ENTREP2: variants seen among roughly 807,000 people sequenced by gnomAD.
ENTREP2 encodes the protein protein ENTREP2.
chr15:29,405,384 G>A, the ENTREP2 span, among the ~76,000 whole-genome samples: 4 of 147,678 alleles, frequency 2.7e-5, no homozygotes, highest in Admixed American at 2.0e-4. Context: ...GCAAGACTCC[G>A]TCTCCAGAAA....
At chr15:29,535,831 C>T in the ENTREP2 span, among the ~76,000 whole-genome samples, 13 of 151,902 alleles carry the variant, frequency 8.6e-5, no homozygotes, top group African/African-American at 3.1e-4. Flanking sequence ...CAAATATTCT[C>T]GAACTTTCAT....
chr15:29,630,966 G>A, the ENTREP2 span, among the ~76,000 whole-genome samples: 2 of 152,180 alleles, frequency 1.3e-5, no homozygotes, highest in African/African-American at 2.4e-5. Flanking sequence ...ACAGGCATAA[G>A]CCTGTATTAT....
chr15:29,515,520 C>A, the ENTREP2 span, among the ~76,000 whole-genome samples: 7 of 152,274 alleles, frequency 4.6e-5, no homozygotes, highest in South Asian at 6.2e-4. Flanking sequence ...CATCTGTTAG[C>A]CCAGTCACAT....
chr15:29,587,073 T>C, the ENTREP2 span, among the ~76,000 whole-genome samples: 2 of 152,032 alleles, frequency 1.3e-5, no homozygotes, highest in Admixed American at 6.6e-5. Context: ...CAGAACTCTG[T>C]AGTCCTGAAT....
the ENTREP2 span, among the ~76,000 whole-genome samples, chr15:29,664,682 T>C: frequency 1.3e-5 from 2 of 152,148 alleles, no homozygotes; most frequent in African/African-American, 2.4e-5. Flanking sequence ...GGTTTTGTGA[T>C]AGTTATAACA....
At chr15:29,554,128 C>T in the ENTREP2 span, among the ~76,000 whole-genome samples, 18 of 152,114 alleles carry the variant, frequency 1.2e-4, no homozygotes, top group African/African-American at 4.3e-4. Flanking sequence ...GCCTGATCAA[C>T]ATGTTGAAAC....
At chr15:29,369,631 G>A in the ENTREP2 span, among the ~76,000 whole-genome samples, 979 of 152,110 alleles carry the variant, frequency 6.4e-3, 3 homozygotes, top group Middle Eastern at 0.01. Context: ...GTGCACGAGC[G>A]TGTGCAAAAC....
the ENTREP2 span, among the ~76,000 whole-genome samples, chr15:29,157,266 G>A: frequency 6.6e-6 from 1 of 152,166 alleles, no homozygotes; most frequent in Non-Finnish European, 1.5e-5. Context: ...TCCCTACAGA[G>A]TTCAAATGTG....
the ENTREP2 span, among the ~76,000 whole-genome samples, chr15:29,518,797 C>T: frequency 6.6e-6 from 1 of 152,156 alleles, no homozygotes; most frequent in Admixed American, 6.5e-5. Context: ...AGAAATTCTC[C>T]CAGAATGTCA....
chr15:29,148,357 A>G, the ENTREP2 span, among the ~76,000 whole-genome samples: 1 of 152,298 alleles, frequency 6.6e-6, no homozygotes, highest in African/African-American at 2.4e-5. Context: ...GAAAAAAACC[A>G]TTTATAAAGT....
the ENTREP2 span, among the ~76,000 whole-genome samples, chr15:29,207,808 A>G: frequency 6.6e-6 from 1 of 152,096 alleles, no homozygotes; most frequent in Non-Finnish European, 1.5e-5. Flanking sequence ...TGCTAAATCC[A>G]GTCCCTGCCA....
the ENTREP2 span, among the ~76,000 whole-genome samples, chr15:29,601,132 C>T: frequency 4.0e-5 from 6 of 148,792 alleles, no homozygotes; most frequent in African/African-American, 1.3e-4. Context: ...CTCCTGACCT[C>T]GTGATCCGCC....
chr15:29,348,093 C>T, the ENTREP2 span, among the ~76,000 whole-genome samples: 1 of 152,154 alleles, frequency 6.6e-6, no homozygotes, highest in Non-Finnish European at 1.5e-5. Flanking sequence ...GAATACATGT[C>T]CAACCTTGCA....
At chr15:29,238,831 C>T in the ENTREP2 span, among the ~76,000 whole-genome samples, 2 of 152,012 alleles carry the variant, frequency 1.3e-5, no homozygotes, top group African/African-American at 2.4e-5. Context: ...ACAACTAGAT[C>T]TCATGAGAAT....
the ENTREP2 span, among the ~76,000 whole-genome samples, chr15:29,354,033 A>G: frequency 1.3e-5 from 2 of 152,172 alleles, no homozygotes; most frequent in Non-Finnish European, 2.9e-5. Flanking sequence ...GTGTCTCCAG[A>G]AGAGGCTAGG....
the ENTREP2 span, among the ~76,000 whole-genome samples, chr15:29,503,381 A>G: frequency 6.6e-6 from 1 of 152,224 alleles, no homozygotes; most frequent in Non-Finnish European, 1.5e-5. Context: ...AAATGTCCAG[A>G]AGAGGCAAAA....
At chr15:29,672,234 C>T in the ENTREP2 span, among the ~76,000 whole-genome samples, 1 of 152,118 alleles carries the variant, frequency 6.6e-6, no homozygotes, top group Non-Finnish European at 1.5e-5. Flanking sequence ...GTGATTCACC[C>T]GCCTTGGCCT....
the ENTREP2 span, among the ~76,000 whole-genome samples, chr15:29,390,571 C>A: frequency 1.3e-5 from 2 of 152,264 alleles, no homozygotes; most frequent in Admixed American, 1.3e-4. Context: ...GAGATAAAAT[C>A]AGAACAGAGA....
At chr15:29,274,437 G>A in the ENTREP2 span, among the ~76,000 whole-genome samples, 1 of 132,696 alleles carries the variant, frequency 7.5e-6, no homozygotes, top group African/African-American at 2.5e-5. Context: ...ACATAGACAT[G>A]GTGTCCTTGA....
Sources: allele counts gnomAD v4.1 joint callset (sites outside exome capture counted in the v4.1 genomes callset), GRCh38; gene constraint gnomAD v4.1.1; transcripts MANE v1.5; gene names NCBI Gene and HGNC (gene_info 2026-07-23, HGNC 2026-07-21).